The following DNAH9 variants were observed in gnomAD, a reference collection of about 807,000 sequenced individuals.
The protein encoded by DNAH9 is dynein axonemal heavy chain 9.
DNAH9 carries 345 observed loss-of-function variants against 471.6 expected under a neutral mutation model. The observed-to-expected ratio is 0.73, with a 90% CI of 0.67 to 0.80. DNAH9 has a LOEUF of 0.80. DNAH9 is among the 30% of genes least tolerant of loss of function. The pLI is 0.00. For missense variants in DNAH9, 5,407 were observed against 5,609.2 expected (o/e 0.96, Z 1.15); for synonymous variants, 2,093 against 2,123.6 (o/e 0.99, Z 0.40).
At chr17:11,939,121 A>AG (rs1472102445) in intron 66 of DNAH9, among the ~76,000 whole-genome samples, 1 of 152,160 alleles carries the variant, frequency 6.6e-6, no homozygotes, top group African/African-American at 2.4e-5. Flanking sequence ...TCTGACTCCG[A>AG]GGTCTGGGGT....
Position 11,645,559 on chromosome 17 carries a change from C to T in DNAH9, c.1970+860C>T, listed in dbSNP as rs375041930. Among the ~76,000 whole-genome samples the T allele has an allele frequency of 1.6e-4, 25 of 152,310 alleles. No homozygotes were observed. The South Asian group carries it at 2.3e-3, about 14-fold the overall frequency. On this transcript the variant is annotated intron_variant, in intron 11 of 68. Coordinates refer to ENST00000262442, the MANE Select transcript of DNAH9 (RefSeq NM_001372.4). ...GGAGGCCTTGCGGTGGTTCTCACAG[C>T]CTCCTTAACATGACATGAAAAGTCT...
In DNAH9 at chr17:11,763,489, T is replaced by A. The variant is rs1201187966; in HGVS notation, c.7045T>A (p.Cys2349Ser). 1 of 1,613,832 alleles carries A rather than the reference T, an allele frequency of 6.2e-7. No individual in the cohort carries two copies. The highest frequency in any genetic ancestry group is 1.1e-5 in the South Asian group (1 of 91,078). ...AGAGCAGAGCATGGTTCAGATGGTG[T>A]GTCACCTTCTGGAATGTCTCCTGAC... The part of the protein sequence containing the change: ...IPEQSMVQMV[C>S]HLLECLLTTE... The change falls in exon 36 of 69, where the codon TGT (cysteine) becomes AGT (serine). Residue 2349 changes from cysteine to serine, a missense_variant. Physicochemically the swap from Cys to Ser is moderately radical, Grantham distance 112. Transcript: ENST00000262442.
intron 38 of DNAH9, among the ~76,000 whole-genome samples, chr17:11,774,354 A>G (rs568386610): frequency 7.2e-5 from 11 of 152,314 alleles, no homozygotes; most frequent in Middle Eastern, 3.4e-3. Context: ...ACTTACTTGC[A>G]TTAGTCTGTT....
At chr17:11,922,990 C>A (rs188961631) in intron 61 of DNAH9, among the ~76,000 whole-genome samples, 1 of 152,158 alleles carries the variant, frequency 6.6e-6, no homozygotes, top group Non-Finnish European at 1.5e-5. Context: ...GCAATCCTAC[C>A]CCTCTTTGGG....
rs372783295 is a variant in DNAH9, at chr17:11,653,049, G to A, written c.2595+47G>A. 2.8e-4 allele frequency: 447 copies of A among 1,593,234 alleles called. 5 individuals carry two copies. In the South Asian group the frequency reaches 3.8e-3, roughly 14 times the overall value. On this transcript the variant is annotated intron_variant, in intron 14 of 68. Transcript: ENST00000262442. The stretch of plus-strand genomic sequence containing the variant: ...CGCACATACTACGAGTTTAGGGAAA[G>A]CATCAAAAAGTGTGTTTGGATGAAT...
chr17:11,864,000 GT>G (rs1193088734), intron 50 of DNAH9, among the ~76,000 whole-genome samples: 10 of 150,762 alleles, frequency 6.6e-5, no homozygotes, highest in Middle Eastern at 3.6e-3. Flanking sequence ...TTTTTGAAGG[GT>G]TTTTTGTGTC....
At chr17:11,877,447 TG>T (rs1972540495) in intron 53 of DNAH9, among the ~76,000 whole-genome samples, 1 of 116,682 alleles carries the variant, frequency 8.6e-6, no homozygotes, top group Non-Finnish European at 1.7e-5. Flanking sequence ...TACTCCAGCC[TG>T]GGGGACAAGA....
chr17:11,824,928 CCTT>C (rs1051048416), intron 48 of DNAH9, among the ~76,000 whole-genome samples: 5 of 151,978 alleles, frequency 3.3e-5, no homozygotes, highest in Non-Finnish European at 5.9e-5. Context: ...TCCTCCCCCT[CCTT>C]CTTCTTTTTC....
chr17:11,631,246 TC>T (rs2073059597), intron 7 of DNAH9, among the ~76,000 whole-genome samples: 2 of 151,146 alleles, frequency 1.3e-5, no homozygotes, highest in South Asian at 4.2e-4. Flanking sequence ...AGAATGGAAA[TC>T]CCAGAAAAAG....
chr17:11,838,720 T>C (rs1970930254), intron 49 of DNAH9, among the ~76,000 whole-genome samples: 1 of 152,034 alleles, frequency 6.6e-6, no homozygotes, highest in South Asian at 2.1e-4. Context: ...TGTAGACCGG[T>C]TCACAATCTA....
intron 5 of DNAH9, among the ~76,000 whole-genome samples, chr17:11,617,999 T>G (rs536375864): frequency 1.3e-5 from 2 of 152,288 alleles, no homozygotes; most frequent in African/African-American, 4.8e-5. Context: ...AATCCCTGGC[T>G]TTGCCACTTG....
At chr17:11,834,948 G>A (rs373739485) in intron 49 of DNAH9, 50 bp downstream of exon 49, 34 of 1,584,524 alleles carry the variant, frequency 2.1e-5, no homozygotes, top group Middle Eastern at 4.5e-4. Flanking sequence ...GCTGGTAGAC[G>A]CAGAGACCAC....
intron 59 of DNAH9, 67 bp downstream of exon 59, chr17:11,894,563 C>G (rs1268942802): frequency 1.9e-6 from 3 of 1,583,336 alleles, no homozygotes; most frequent in African/African-American, 1.3e-5. Flanking sequence ...ACACTGGTCC[C>G]CATGAAGTCA....
chr17:11,633,759 G>A (rs1225474821), intron 8 of DNAH9, among the ~76,000 whole-genome samples: 3 of 150,572 alleles, frequency 2.0e-5, no homozygotes, highest in African/African-American at 2.5e-5. Context: ...AACTCCATTC[G>A]TGCACTAAGG....
At chr17:11,642,818 C>T (rs981410928) in intron 10 of DNAH9, among the ~76,000 whole-genome samples, 1 of 151,220 alleles carries the variant, frequency 6.6e-6, no homozygotes, top group Non-Finnish European at 1.5e-5. Flanking sequence ...AGCGCCCATT[C>T]GGGCTGGAGC....
chr17:11,900,110 AC>A (rs547544710), intron 59 of DNAH9, among the ~76,000 whole-genome samples: 3 of 149,572 alleles, frequency 2.0e-5, no homozygotes, highest in Non-Finnish European at 4.5e-5. Flanking sequence ...GAAAAAAAAA[AC>A]TCACAAGGGT....
chr17:11,645,670 C>T (rs1422901804), intron 11 of DNAH9, among the ~76,000 whole-genome samples: 3 of 152,012 alleles, frequency 2.0e-5, no homozygotes, highest in African/African-American at 7.2e-5. Flanking sequence ...CAGTTTCAAG[C>T]ATGCTGTTTC....
intron 14 of DNAH9, among the ~76,000 whole-genome samples, chr17:11,656,919 G>C (rs572977930): frequency 1.3e-5 from 2 of 152,094 alleles, no homozygotes; most frequent in African/African-American, 4.8e-5. Flanking sequence ...CATTTATTTC[G>C]AGTCTAATTC....
intron 65 of DNAH9, among the ~76,000 whole-genome samples, chr17:11,935,817 A>C (rs1974693896): frequency 6.6e-6 from 1 of 152,226 alleles, no homozygotes; most frequent in African/African-American, 2.4e-5. Context: ...ATTAAACTTA[A>C]GGGTAAATCG....
Sources: allele counts gnomAD v4.1 joint callset (sites outside exome capture counted in the v4.1 genomes callset), GRCh38; gene constraint gnomAD v4.1.1; transcripts MANE v1.5; gene names NCBI Gene and HGNC (gene_info 2026-07-23, HGNC 2026-07-21).